The following TSPAN5 variants were observed in gnomAD, a reference collection of about 807,000 sequenced individuals.
TSPAN5 encodes the protein tetraspanin-5.
TSPAN5 carries 10 observed loss-of-function variants against 37.1 expected under a neutral mutation model. The ratio of observed to expected loss-of-function variants is 0.27; its 90% CI spans 0.17 to 0.46. The LOEUF (loss-of-function observed/expected upper bound fraction) is 0.46, where lower values mean the gene tolerates loss of function less well. TSPAN5 is among the 20% of genes least tolerant of loss of function. The pLI is 1.00. For synonymous variants in TSPAN5, 110 were observed against 118.9 expected, an observed-to-expected ratio of 0.93 and a Z score of 0.48; for missense variants, 195 against 326.6, an observed-to-expected ratio of 0.60 and a Z score of 3.11.
chr4:98,627,112 CAAGGAAGGACAGAAAACATCTCCTAAGAA>C (rs768755383), intron 1 of TSPAN5, among the ~76,000 whole-genome samples: 7 of 151,958 alleles, frequency 4.6e-5, no homozygotes, highest in Non-Finnish European at 8.8e-5. Flanking sequence ...GTGGGGTTTT[CAAGGAAGGACAGAAAACATCTCCTAAGAA>C]AAGGAAGGAC....
chr4:98,560,908 G>A (rs1224296635), intron 1 of TSPAN5, among the ~76,000 whole-genome samples: 1 of 152,194 alleles, frequency 6.6e-6, no homozygotes, highest in Non-Finnish European at 1.5e-5. Flanking sequence ...CTAGATAAAA[G>A]TGTTCTAAGC....
rs754411666 is a variant in TSPAN5, at chr4:98,486,754, G to C, written c.263C>G (p.Thr88Ser). ...AGCIGALREN[T>S]FLLKFFSVFL... The stretch of plus-strand genomic sequence containing the variant: ...AATACTTACAAACTTGAGAAGGAAA[G>C]TGTTTTCCCGTAGCGCTCCAATGCA... Residue 88 changes from threonine (T) to serine (S), a missense_variant, in exon 3 of 8, where the codon ACT (threonine) becomes AGT (serine). Transcript: ENST00000305798. 8.1e-6 allele frequency: 13 copies of C among 1,613,978 alleles called. No homozygotes were observed. Among genetic ancestry groups the C allele is most frequent in the Non-Finnish European group, 1.1e-5 (13 of 1,180,028 alleles).
intron 1 of TSPAN5, among the ~76,000 whole-genome samples, chr4:98,650,852 TA>T (rs1348417100): frequency 6.6e-6 from 1 of 152,156 alleles, no homozygotes; most frequent in Non-Finnish European, 1.5e-5. Flanking sequence ...TGATGGGAGT[TA>T]AAAGAGCACA....
Position 98,472,613 on chromosome 4 carries a change from A to G in TSPAN5, c.742-26T>C, listed in dbSNP as rs534562625. ...CTGAGAAAGGAAGAAAATGTGAGTGAAACAGTGACACTTGTAACTTGTTTC... is the reference window on the plus strand; with the variant it reads ...CTGAGAAAGGAAGAAAATGTGAGTGGAACAGTGACACTTGTAACTTGTTTC... On this transcript the variant is annotated intron_variant, in intron 7 of 7. Coordinates refer to ENST00000305798, the MANE Select transcript of TSPAN5 (RefSeq NM_005723.4). The G allele has an allele frequency of 1.6e-5, 25 of 1,595,856 alleles. No homozygotes were observed. In the African/African-American group the frequency reaches 3.2e-4, roughly 21 times the overall value.
intron 1 of TSPAN5, among the ~76,000 whole-genome samples, chr4:98,645,004 C>A (rs1177959949): frequency 6.6e-6 from 1 of 152,218 alleles, no homozygotes; most frequent in Non-Finnish European, 1.5e-5. Flanking sequence ...TGCCTTGCTG[C>A]AAATTACTTA....
chr4:98,533,959 A>C (rs1338706254), intron 1 of TSPAN5, among the ~76,000 whole-genome samples: 1 of 147,742 alleles, frequency 6.8e-6, no homozygotes, highest in Non-Finnish European at 1.5e-5. Flanking sequence ...AAAAAAAAAA[A>C]AAACCAGCTC....
chr4:98,544,253 C>T (rs1434390025), intron 1 of TSPAN5, among the ~76,000 whole-genome samples: 1 of 152,198 alleles, frequency 6.6e-6, no homozygotes, highest in Non-Finnish European at 1.5e-5. Context: ...CTAAACATAT[C>T]TTGCACATGG....
intron 1 of TSPAN5, 28 bp downstream of exon 1, chr4:98,658,118 T>C (rs762522278): frequency 3.8e-6 from 6 of 1,592,062 alleles, no homozygotes; most frequent in Non-Finnish European, 5.2e-6. Flanking sequence ...GCCACAATAG[T>C]TGGAATCCCA....
chr4:98,565,868 A>T (rs1172125649), intron 1 of TSPAN5, among the ~76,000 whole-genome samples: 1 of 152,226 alleles, frequency 6.6e-6, no homozygotes, highest in Non-Finnish European at 1.5e-5. Flanking sequence ...AAAGTGGTCC[A>T]ACCACAACAA....
chr4:98,561,672 C>G (rs927739566), intron 1 of TSPAN5, among the ~76,000 whole-genome samples: 2 of 152,180 alleles, frequency 1.3e-5, no homozygotes, highest in African/African-American at 4.8e-5. Context: ...AAATACATGA[C>G]ACATTTGAGG....
chr4:98,510,838 T>G (rs983117883), intron 1 of TSPAN5, among the ~76,000 whole-genome samples: 1 of 152,256 alleles, frequency 6.6e-6, no homozygotes, highest in Non-Finnish European at 1.5e-5. Context: ...ATACCTTCAG[T>G]GCTACATCAC....
At chr4:98,509,385 A>T (rs1422033784) in intron 1 of TSPAN5, among the ~76,000 whole-genome samples, 1 of 152,256 alleles carries the variant, frequency 6.6e-6, no homozygotes, top group Non-Finnish European at 1.5e-5. Context: ...GGACTTGGAC[A>T]GATGGCAGGA....
chr4:98,578,594 A>G (rs1229469579), intron 1 of TSPAN5, among the ~76,000 whole-genome samples: 1 of 151,870 alleles, frequency 6.6e-6, no homozygotes, highest in Non-Finnish European at 1.5e-5. Context: ...TAATTTTTGT[A>G]TTTGTAGTAA....
chr4:98,620,961 C>T (rs1178436901), intron 1 of TSPAN5, among the ~76,000 whole-genome samples: 2 of 152,120 alleles, frequency 1.3e-5, no homozygotes, highest in Non-Finnish European at 2.9e-5. Context: ...AAGTCATTAC[C>T]AGCATCTCAA....
At chr4:98,523,587 A>G (rs931894787) in intron 1 of TSPAN5, among the ~76,000 whole-genome samples, 1 of 152,084 alleles carries the variant, frequency 6.6e-6, no homozygotes, top group Non-Finnish European at 1.5e-5. Context: ...GGTGTGCACC[A>G]CCACACCTGG....
intron 1 of TSPAN5, among the ~76,000 whole-genome samples, chr4:98,554,407 G>A (rs887296572): frequency 3.9e-5 from 6 of 152,110 alleles, no homozygotes; most frequent in South Asian, 4.1e-4. Flanking sequence ...TGTTCACAGC[G>A]TGAACCATTA....
At chr4:98,551,778 G>A (rs1400201525) in intron 1 of TSPAN5, among the ~76,000 whole-genome samples, 2 of 151,998 alleles carry the variant, frequency 1.3e-5, no homozygotes, top group African/African-American at 4.8e-5. Context: ...GGGATTACAG[G>A]CATGAGCCAC....
intron 6 of TSPAN5, 32 bp downstream of exon 6, chr4:98,476,381 C>T (rs371886411): frequency 2.0e-5 from 32 of 1,613,990 alleles, no homozygotes; most frequent in African/African-American, 4.0e-5. Context: ...CAACACCCTT[C>T]GTGCTAAGCA....
intron 1 of TSPAN5, among the ~76,000 whole-genome samples, chr4:98,586,713 A>C (rs1242371424): frequency 6.6e-6 from 1 of 152,252 alleles, no homozygotes; most frequent in East Asian, 1.9e-4. Flanking sequence ...GAGGAATCTA[A>C]ATGGAGAAAG....
Sources: allele counts gnomAD v4.1 joint callset (sites outside exome capture counted in the v4.1 genomes callset), GRCh38; gene constraint gnomAD v4.1.1; transcripts MANE v1.5; gene names NCBI Gene and HGNC (gene_info 2026-07-23, HGNC 2026-07-21).